PDS5A: variants seen among roughly 807,000 people sequenced by gnomAD.
The protein encoded by PDS5A is PDS5 cohesin associated factor A.
A neutral mutation model predicts 167.1 loss-of-function variants in PDS5A; 42 were observed. The observed-to-expected ratio is 0.25, with a 90% CI of 0.20 to 0.33. The LOEUF (loss-of-function observed/expected upper bound fraction) is 0.33. PDS5A is among the 10% of genes least tolerant of loss of function. The pLI is 1.00. For synonymous variants in PDS5A, 553 were observed against 554.6 expected (o/e 1.00, Z 0.04); for missense variants, 1,033 against 1,605.9 (o/e 0.64, Z 6.10).
At chr4:39,956,490 CAAA>C (rs71194945) in intron 2 of PDS5A, among the ~76,000 whole-genome samples, 16 of 92,268 alleles carry the variant, frequency 1.7e-4, no homozygotes, top group Non-Finnish European at 1.7e-4. Flanking sequence ...GAGACTGTCT[CAAA>C]AAAAAAAAAA....
At chr4:39,970,525 T>C (rs1730408686) in intron 2 of PDS5A, among the ~76,000 whole-genome samples, 1 of 151,770 alleles carries the variant, frequency 6.6e-6, no homozygotes. Flanking sequence ...CTGTAATGTC[T>C]TCAACTACAT....
chr4:39,851,306 T>C (rs79977880), intron 26 of PDS5A, among the ~76,000 whole-genome samples: 4 of 151,784 alleles, frequency 2.6e-5, no homozygotes, highest in African/African-American at 4.8e-5. Context: ...TTTTTTTTTT[T>C]GGTCTGTCTT....
At chr4:39,925,555 A>G (rs1725382574) in intron 5 of PDS5A, among the ~76,000 whole-genome samples, 1 of 152,188 alleles carries the variant, frequency 6.6e-6, no homozygotes, top group Non-Finnish European at 1.5e-5. Flanking sequence ...CTTCAAAACA[A>G]GAGCACCACT....
At chr4:39,899,452 T>C (rs940244935) in intron 14 of PDS5A, among the ~76,000 whole-genome samples, 1 of 152,222 alleles carries the variant, frequency 6.6e-6, no homozygotes, top group African/African-American at 2.4e-5. Flanking sequence ...TCCATTCATT[T>C]ATTTATCGTG....
intron 2 of PDS5A, among the ~76,000 whole-genome samples, chr4:39,953,404 A>C (rs1034950039): frequency 2.0e-5 from 3 of 151,232 alleles, no homozygotes; most frequent in African/African-American, 7.3e-5. Context: ...TTTTCAAACC[A>C]TCAATGGTGA....
In PDS5A at chr4:39,877,108, A is replaced by G. The variant is rs753139588; in HGVS notation, c.2038T>C (p.Tyr680His). 6.2e-7 allele frequency: 1 copy of G among 1,607,940 alleles called. No individual in the cohort carries two copies. The highest frequency in any genetic ancestry group is 8.5e-7 in the Non-Finnish European group (1 of 1,175,072). Reference sequence around the variant, plus strand: ...CTTAGGCACTGTAACAAGGACTCATATGTCTCTGCAGAGTGGAACGAGGTA... The same window carrying G: ...CTTAGGCACTGTAACAAGGACTCATGTGTCTCTGCAGAGTGGAACGAGGTA... ...HPTSFHSAET[Y>H]ESLLQCLRME... Residue 680 changes from tyrosine to histidine, a missense_variant, in exon 19 of 33, where the codon TAT (tyrosine) becomes CAT (histidine). Transcript: ENST00000303538.
chr4:39,954,110 G>C (rs999135399), intron 2 of PDS5A, among the ~76,000 whole-genome samples: 9 of 152,104 alleles, frequency 5.9e-5, no homozygotes, highest in African/African-American at 1.9e-4. Flanking sequence ...GGAGGCCGAG[G>C]TGGGAGGACT....
chr4:39,964,816 G>A (rs1729824056), intron 2 of PDS5A, among the ~76,000 whole-genome samples: 1 of 152,092 alleles, frequency 6.6e-6, no homozygotes, highest in Non-Finnish European at 1.5e-5. Flanking sequence ...GGTGGCACAT[G>A]CCTGTAATCC....
chr4:39,928,817 A>G (rs957171154), intron 2 of PDS5A, among the ~76,000 whole-genome samples: 38 of 141,468 alleles, frequency 2.7e-4, no homozygotes, highest in Admixed American at 7.9e-4. Context: ...AGAGTGAGAC[A>G]CTGTCTTTAA....
chr4:39,886,557 T>C (rs1396969181), intron 17 of PDS5A, among the ~76,000 whole-genome samples: 1 of 151,780 alleles, frequency 6.6e-6, no homozygotes, highest in Non-Finnish European at 1.5e-5. Flanking sequence ...CTACTAAAAA[T>C]ACAAAATTAG....
chr4:39,929,828 C>A (rs13117772), intron 2 of PDS5A, among the ~76,000 whole-genome samples: 24,176 of 150,080 alleles, frequency 0.16, 2,065 homozygotes, highest in East Asian at 0.29. Flanking sequence ...TCATTGCAAC[C>A]TATGCCTCCC....
chr4:39,976,871 C>A (rs1393206014), intron 1 of PDS5A, among the ~76,000 whole-genome samples: 1 of 152,118 alleles, frequency 6.6e-6, no homozygotes, highest in Non-Finnish European at 1.5e-5. Flanking sequence ...GTTTCCCATT[C>A]CGCCTTTCAC....
chr4:39,840,484 C>T (rs1716891214), intron 31 of PDS5A, among the ~76,000 whole-genome samples: 1 of 152,196 alleles, frequency 6.6e-6, no homozygotes, highest in Non-Finnish European at 1.5e-5. Flanking sequence ...CAACCTCCAC[C>T]TCCGCGGTTC....
At chr4:39,829,950 CAAAAAAAAAAAAAAAAAA>C (rs1158287221) in intron 32 of PDS5A, among the ~76,000 whole-genome samples, 15 of 67,300 alleles carry the variant, frequency 2.2e-4, no homozygotes, top group Admixed American at 6.8e-4. Flanking sequence ...GACTCCAACT[CAAAAAAAAAAAAAAAAAA>C]AAAAAAAAAA....
At chr4:39,865,470 C>T (rs1465602916) in intron 23 of PDS5A, among the ~76,000 whole-genome samples, 1 of 152,192 alleles carries the variant, frequency 6.6e-6, no homozygotes, top group Admixed American at 6.5e-5. Context: ...AGGAGGATTG[C>T]TTGAGCCCAG....
At chr4:39,958,762 C>A (rs1393258256) in intron 2 of PDS5A, among the ~76,000 whole-genome samples, 1 of 151,946 alleles carries the variant, frequency 6.6e-6, no homozygotes, top group African/African-American at 2.4e-5. Flanking sequence ...GCGCACATCA[C>A]CACCCCTGAC....
intron 2 of PDS5A, among the ~76,000 whole-genome samples, chr4:39,960,357 C>T (rs1729367881): frequency 6.6e-6 from 1 of 152,122 alleles, no homozygotes; most frequent in Admixed American, 6.6e-5. Flanking sequence ...TACACAAAAA[C>T]AATGATATGT....
At chr4:39,868,021 G>A (rs1345754767) in intron 22 of PDS5A, among the ~76,000 whole-genome samples, 2 of 152,044 alleles carry the variant, frequency 1.3e-5, no homozygotes, top group African/African-American at 4.8e-5. Flanking sequence ...TATATTTATT[G>A]ACAACCTGGA....
intron 2 of PDS5A, among the ~76,000 whole-genome samples, chr4:39,938,545 C>G (rs1484023056): frequency 6.6e-6 from 1 of 151,550 alleles, no homozygotes; most frequent in African/African-American, 2.4e-5. Flanking sequence ...CAGAGCAAGA[C>G]TCTGTCTCAA....
Sources: gnomAD v4.1 joint callset for allele counts (sites outside exome capture counted in the v4.1 genomes callset) on GRCh38, gnomAD v4.1.1 for gene constraint, MANE v1.5 for transcripts, NCBI Gene and HGNC (gene_info 2026-07-23, HGNC 2026-07-21) for gene names.